CDK17: variants seen among roughly 807,000 people sequenced by gnomAD.
The protein encoded by CDK17 is cyclin dependent kinase 17.
Under a neutral mutation model 77.6 loss-of-function variants are expected in CDK17, and 24 were observed. The observed-to-expected ratio is 0.31, with a 90% CI of 0.22 to 0.44. The LOEUF (loss-of-function observed/expected upper bound fraction) is 0.44. Among genes scored for constraint, CDK17 ranks in the 20% least tolerant of loss-of-function variants. The pLI is 1.00. For synonymous variants in CDK17, 203 were observed against 210.4 expected (o/e 0.96, Z 0.30); for missense variants, 429 against 622.5 (o/e 0.69, Z 3.31).
At position 96,391,580 on chromosome 12, in the gene CDK17, C is replaced by T. The variant is rs543680476; in HGVS notation, c.-30+8406G>A. On this transcript the variant is annotated intron_variant, in intron 1 of 16. Coordinates refer to ENST00000261211, the MANE Select transcript of CDK17 (RefSeq NM_002595.5). ...TGCTGGGATTACAGGCGTGAGCCAC[C>T]GCGGCAGGCCAGTTTTTTTCGGTTA... Among the ~76,000 whole-genome samples the T allele has an allele frequency of 9.7e-4, 147 of 152,220 alleles. 1 individual carries two copies. The highest frequency in any genetic ancestry group is 2.0e-3 in the Admixed American group (30 of 15,286).
At chr12:96,391,562 A>C (rs1759924259) in intron 1 of CDK17, among the ~76,000 whole-genome samples, 1 of 152,156 alleles carries the variant, frequency 6.6e-6, no homozygotes, top group African/African-American at 2.4e-5. Flanking sequence ...AAGTGCTGGG[A>C]TTACAGGCGT....
chr12:96,368,054 C>T (rs1202334234), intron 1 of CDK17, among the ~76,000 whole-genome samples: 3 of 151,690 alleles, frequency 2.0e-5, no homozygotes, highest in Non-Finnish European at 4.4e-5. Flanking sequence ...CAGTCCAAGT[C>T]TATTTCATCT....
At chr12:96,360,286 G>A (rs1255546677) in intron 1 of CDK17, among the ~76,000 whole-genome samples, 3 of 152,142 alleles carry the variant, frequency 2.0e-5, no homozygotes, top group African/African-American at 2.4e-5. Flanking sequence ...AAGGGTTGAC[G>A]GGAAGAGGCC....
At chr12:96,314,336 C>T (rs982038414) in intron 3 of CDK17, among the ~76,000 whole-genome samples, 1 of 152,136 alleles carries the variant, frequency 6.6e-6, no homozygotes, top group African/African-American at 2.4e-5. Context: ...GGAGTACAGG[C>T]ACCCATCACA....
chr12:96,288,154 G>A (rs1029751317), intron 11 of CDK17, among the ~76,000 whole-genome samples: 4 of 152,078 alleles, frequency 2.6e-5, no homozygotes, highest in African/African-American at 4.8e-5. Flanking sequence ...TCTCACAACT[G>A]TACACTTAAA....
At chr12:96,362,365 T>C (rs1965149) in intron 1 of CDK17, among the ~76,000 whole-genome samples, 140,344 of 152,080 alleles carry the variant, frequency 0.92, 64,866 homozygotes, top group East Asian at 1. Context: ...ATTACAGGCA[T>C]ACACCACCAT....
At chr12:96,368,249 G>T (rs1200556524) in intron 1 of CDK17, among the ~76,000 whole-genome samples, 1 of 152,188 alleles carries the variant, frequency 6.6e-6, no homozygotes, top group African/African-American at 2.4e-5. Flanking sequence ...AAAATCAGGA[G>T]ATCACAATCT....
At chr12:96,394,891 C>T (rs1245628996) in intron 1 of CDK17, among the ~76,000 whole-genome samples, 6 of 149,682 alleles carry the variant, frequency 4.0e-5, no homozygotes, top group Non-Finnish European at 8.9e-5. Context: ...AATTTTTTTC[C>T]CCCGAGACAG....
intron 1 of CDK17, among the ~76,000 whole-genome samples, chr12:96,372,328 A>G (rs1023655058): frequency 2.0e-5 from 3 of 152,264 alleles, no homozygotes; most frequent in African/African-American, 7.2e-5. Context: ...AATTTCAAAG[A>G]TATTGAAAAG....
At chr12:96,345,426 T>A (rs560996550) in intron 1 of CDK17, among the ~76,000 whole-genome samples, 2 of 152,364 alleles carry the variant, frequency 1.3e-5, no homozygotes, top group African/African-American at 4.8e-5. Context: ...ATGGTTGAAC[T>A]AATTTACATT....
chr12:96,361,343 C>A (rs1369081278), intron 1 of CDK17, among the ~76,000 whole-genome samples: 1 of 152,166 alleles, frequency 6.6e-6, no homozygotes, highest in African/African-American at 2.4e-5. Flanking sequence ...GAGAAAAGTC[C>A]TTTGTCCCTC....
chr12:96,397,109 T>C (rs1173466863), intron 1 of CDK17, among the ~76,000 whole-genome samples: 2 of 151,840 alleles, frequency 1.3e-5, no homozygotes, highest in Non-Finnish European at 2.9e-5. Context: ...TTGCTGAAAA[T>C]AAGGAAAAAA....
At chr12:96,399,915 G>T in intron 1 of CDK17, 71 bp downstream of exon 1, 1 of 309,496 alleles carries the variant, frequency 3.2e-6, no homozygotes, top group Non-Finnish European at 5.9e-6. Flanking sequence ...TCTGTCCCAC[G>T]CAGCCTCCCG....
chr12:96,294,515 A>C (rs762904335), intron 10 of CDK17, among the ~76,000 whole-genome samples: 5 of 144,886 alleles, frequency 3.5e-5, no homozygotes, highest in Non-Finnish European at 7.5e-5. Flanking sequence ...CCTGGGAGGC[A>C]GAGGTTGCAG....
intron 1 of CDK17, among the ~76,000 whole-genome samples, chr12:96,386,453 A>G (rs1565846878): frequency 6.6e-6 from 1 of 152,186 alleles, no homozygotes; most frequent in Non-Finnish European, 1.5e-5. Flanking sequence ...GTTTGAGACC[A>G]GCCTGCAAAA....
intron 1 of CDK17, among the ~76,000 whole-genome samples, chr12:96,385,012 G>GGAAAAAA (rs1565846245): frequency 1.3e-5 from 1 of 75,504 alleles, no homozygotes; most frequent in African/African-American, 5.3e-5. Flanking sequence ...TTTCTCAAGG[G>GGAAAAAA]AAAAAAAAAA....
At chr12:96,319,120 A>C (rs1307634132) in intron 3 of CDK17, among the ~76,000 whole-genome samples, 1 of 148,476 alleles carries the variant, frequency 6.7e-6, no homozygotes, top group South Asian at 2.1e-4. Flanking sequence ...AGGGGATATC[A>C]CCACTGATCC....
At chr12:96,334,499 C>T (rs1953014230) in intron 2 of CDK17, among the ~76,000 whole-genome samples, 1 of 152,126 alleles carries the variant, frequency 6.6e-6, no homozygotes, top group Non-Finnish European at 1.5e-5. Context: ...AACAATTCAT[C>T]AGGGTTTGAG....
At chr12:96,316,745 T>C (rs1450547678) in intron 3 of CDK17, among the ~76,000 whole-genome samples, 4 of 124,794 alleles carry the variant, frequency 3.2e-5, no homozygotes, top group South Asian at 2.7e-4. Flanking sequence ...CAGCTGAGGG[T>C]CCTGTCTGTT....
Sources: gnomAD v4.1 joint callset for allele counts (sites outside exome capture counted in the v4.1 genomes callset) on GRCh38, gnomAD v4.1.1 for gene constraint, MANE v1.5 for transcripts, NCBI Gene and HGNC (gene_info 2026-07-23, HGNC 2026-07-21) for gene names.